PTPRK: variants seen among roughly 807,000 people sequenced by gnomAD.
PTPRK encodes receptor-type tyrosine-protein phosphatase kappa.
Under a neutral mutation model 178.0 loss-of-function variants are expected in PTPRK, and 75 were observed. The ratio of observed to expected loss-of-function variants is 0.42; its 90% CI spans 0.35 to 0.51. The LOEUF (loss-of-function observed/expected upper bound fraction) is 0.51. Ranked by LOEUF, PTPRK falls within the 20% of genes least tolerant of loss-of-function variation. The pLI is 0.02. For missense variants in PTPRK, 1,441 were observed against 1,797.8 expected, an observed-to-expected ratio of 0.80 and a Z score of 3.59; for synonymous variants, 637 against 620.6, an observed-to-expected ratio of 1.03 and a Z score of -0.39.
chr6:128,430,114 G>A (rs1476864382), intron 1 of PTPRK, among the ~76,000 whole-genome samples: 4 of 150,958 alleles, frequency 2.6e-5, no homozygotes, highest in Non-Finnish European at 5.9e-5. Context: ...TTTAAGGGAA[G>A]AAACTTAGTC....
intron 2 of PTPRK, among the ~76,000 whole-genome samples, chr6:128,377,761 T>C (rs1584433569): frequency 7.0e-6 from 1 of 143,790 alleles, no homozygotes; most frequent in Non-Finnish European, 1.5e-5. Flanking sequence ...ATAAAGAAAA[T>C]GTTCTTAACT....
At chr6:128,282,756 A>T (rs1421687061) in intron 3 of PTPRK, among the ~76,000 whole-genome samples, 3 of 152,190 alleles carry the variant, frequency 2.0e-5, no homozygotes, top group Admixed American at 6.5e-5. Context: ...TCTCATAGGG[A>T]TTCTGTAAAG....
intron 3 of PTPRK, among the ~76,000 whole-genome samples, chr6:128,284,975 T>C (rs969036987): frequency 6.6e-6 from 1 of 152,198 alleles, no homozygotes; most frequent in Non-Finnish European, 1.5e-5. Context: ...GGGCTAGCAT[T>C]GTGTTACACA....
chr6:127,991,241 C>T lies in PTPRK; in HGVS notation c.2979+53G>A, dbSNP rs570631678. 42 of 1,377,980 alleles carry T rather than the reference C, an allele frequency of 3.0e-5. No individual in the cohort carries two copies. The African/African-American group carries it at 5.9e-4, about 19-fold the overall frequency. The allele number at this position is 1,377,980 out of a possible 1,614,324, so 85.4% of individuals were successfully genotyped here. A position where few individuals can be genotyped will look rare whatever the true frequency, so the allele number is the denominator to read the frequency against. ...TCTATTTTGAGTGTCTTACATGTTG[C>T]TTCTCAACTATGTTCATTTTTATGA... On this transcript the variant is annotated intron_variant, in intron 20 of 29. Coordinates refer to ENST00000368226, the MANE Select transcript of PTPRK (RefSeq NM_002844.4).
At chr6:128,135,511 T>A (rs1226991488) in intron 7 of PTPRK, among the ~76,000 whole-genome samples, 1 of 152,202 alleles carries the variant, frequency 6.6e-6, no homozygotes, top group Non-Finnish European at 1.5e-5. Context: ...TATATGAAAC[T>A]TGGGGATTCC....
At chr6:128,507,358 T>G (rs1049910065) in intron 1 of PTPRK, among the ~76,000 whole-genome samples, 13 of 152,150 alleles carry the variant, frequency 8.5e-5, no homozygotes, top group Non-Finnish European at 1.8e-4. Context: ...TCTCCTTAAT[T>G]CACACTAGAG....
At chr6:128,062,660 A>G (rs1781054649) in intron 13 of PTPRK, 1 of 165,838 alleles carries the variant, frequency 6.0e-6, no homozygotes, top group Admixed American at 6.6e-5. Flanking sequence ...TATGTTAAGC[A>G]CTATTTAAGC....
At chr6:128,029,683 T>G (rs1359159675) in intron 13 of PTPRK, among the ~76,000 whole-genome samples, 2 of 145,958 alleles carry the variant, frequency 1.4e-5, no homozygotes, top group Non-Finnish European at 3.0e-5. Flanking sequence ...ATAATAATAA[T>G]AATAATCCAG....
intron 1 of PTPRK, among the ~76,000 whole-genome samples, chr6:128,507,695 G>C (rs974176770): frequency 1.3e-5 from 2 of 152,158 alleles, no homozygotes; most frequent in South Asian, 2.1e-4. Flanking sequence ...CTGCAGGTCA[G>C]AGCAAACAGG....
intron 2 of PTPRK, among the ~76,000 whole-genome samples, chr6:128,383,248 C>T (rs966759238): frequency 6.6e-6 from 1 of 152,036 alleles, no homozygotes. Context: ...AACTATAAGA[C>T]GTAACATGAA....
At chr6:128,142,514 T>C (rs1016354182) in intron 7 of PTPRK, among the ~76,000 whole-genome samples, 1 of 151,768 alleles carries the variant, frequency 6.6e-6, no homozygotes. Context: ...TGTGTGTGTG[T>C]GTGTAAAATA....
At chr6:128,104,413 A>G (rs1789328475) in intron 7 of PTPRK, among the ~76,000 whole-genome samples, 1 of 152,086 alleles carries the variant, frequency 6.6e-6, no homozygotes, top group Non-Finnish European at 1.5e-5. Context: ...TAGTAGAGAC[A>G]GGGTTTCACT....
intron 7 of PTPRK, among the ~76,000 whole-genome samples, chr6:128,095,545 A>G (rs546135400): frequency 6.6e-6 from 1 of 152,306 alleles, no homozygotes; most frequent in South Asian, 2.1e-4. Flanking sequence ...AACAGAAACT[A>G]AGAACCCATG....
intron 21 of PTPRK, among the ~76,000 whole-genome samples, chr6:127,987,708 T>C (rs1405038198): frequency 6.6e-6 from 1 of 152,160 alleles, no homozygotes; most frequent in Non-Finnish European, 1.5e-5. Flanking sequence ...CCTTATTTCA[T>C]TTGCTAAAAC....
chr6:128,433,074 G>A (rs753899713), intron 1 of PTPRK, among the ~76,000 whole-genome samples: 3 of 152,066 alleles, frequency 2.0e-5, no homozygotes, highest in Admixed American at 6.5e-5. Flanking sequence ...TCAAATCAAA[G>A]TATTTAGGAT....
chr6:128,212,351 C>A (rs1808353911), intron 6 of PTPRK, among the ~76,000 whole-genome samples: 1 of 151,864 alleles, frequency 6.6e-6, no homozygotes, highest in Non-Finnish European at 1.5e-5. Context: ...TGCAAATAAA[C>A]CCAGAAAGAC....
At chr6:128,295,817 T>C (rs1404931449) in intron 3 of PTPRK, among the ~76,000 whole-genome samples, 1 of 152,130 alleles carries the variant, frequency 6.6e-6, no homozygotes, top group East Asian at 1.9e-4. Flanking sequence ...AGAGCTAATA[T>C]ACCTTAAACT....
At chr6:128,199,272 A>G (rs1168329277) in intron 6 of PTPRK, among the ~76,000 whole-genome samples, 3 of 152,200 alleles carry the variant, frequency 2.0e-5, no homozygotes, top group Non-Finnish European at 4.4e-5. Flanking sequence ...ACAAGATTTC[A>G]TAACAATGAT....
At chr6:128,183,156 A>T (rs2114692489) in intron 7 of PTPRK, among the ~76,000 whole-genome samples, 1 of 152,306 alleles carries the variant, frequency 6.6e-6, no homozygotes, top group East Asian at 1.9e-4. Context: ...ATAGAGAGTG[A>T]ACTAATTTTT....
Sources: allele counts gnomAD v4.1 joint callset (sites outside exome capture counted in the v4.1 genomes callset), GRCh38; gene constraint gnomAD v4.1.1; transcripts MANE v1.5; gene names NCBI Gene and HGNC (gene_info 2026-07-23, HGNC 2026-07-21).